AGK: variants seen among roughly 807,000 people sequenced by gnomAD.
AGK encodes acylglycerol kinase, also known as acylglycerol kinase, mitochondrial.
A neutral mutation model predicts 66.4 loss-of-function variants in AGK; 52 were observed. That is an observed-to-expected ratio of 0.78 (90% CI 0.63 to 0.99). AGK has a LOEUF of 0.99. AGK is among the 50% of genes least tolerant of loss of function. The pLI is 0.00. For missense variants in AGK, 451 were observed against 506.6 expected (o/e 0.89, Z 1.05); for synonymous variants, 182 against 181.1 (o/e 1.00, Z -0.04).
In AGK at chr7:141,645,168, C is replaced by T. The variant is rs535526230; in HGVS notation, c.975+3260C>T. ...AGAAATGACATTTCTACAATATTGA[C>T]TCCTCTAGCATATGAACGGGGTATA... On this transcript the variant is annotated intron_variant, in intron 13 of 15. Transcript: ENST00000649286. Among the ~76,000 whole-genome samples the T allele has an allele frequency of 5.9e-5, 9 of 152,214 alleles. No individual in the cohort carries two copies. The South Asian group carries it at 1.7e-3, about 28-fold the overall frequency.
chr7:141,640,965 TTCACCC>T (rs751441763), intron 11 of AGK, among the ~76,000 whole-genome samples: 15 of 152,202 alleles, frequency 9.9e-5, no homozygotes, highest in Non-Finnish European at 2.1e-4. Context: ...CCTATGTTCA[TTCACCC>T]TCTTTTTGGA....
intron 9 of AGK, among the ~76,000 whole-genome samples, chr7:141,626,833 A>G (rs1562977847): frequency 6.6e-6 from 1 of 152,244 alleles, no homozygotes; most frequent in African/African-American, 2.4e-5. Flanking sequence ...GTATTGGAAC[A>G]ATTAGAGAAA....
chr7:141,639,509 G>A (rs1229542187), intron 11 of AGK, among the ~76,000 whole-genome samples: 2 of 152,152 alleles, frequency 1.3e-5, no homozygotes, highest in Non-Finnish European at 1.5e-5. Context: ...GATTGTCCCT[G>A]GACAGGACAA....
chr7:141,651,503 T>G (rs763920011), intron 14 of AGK, 22 bp from the exon 15 acceptor site: 3 of 1,613,408 alleles, frequency 1.9e-6, no homozygotes, highest in Non-Finnish European at 2.5e-6. Context: ...GGTCTTAAGC[T>G]TGCTTTTTCC....
At chr7:141,636,461 C>T (rs144331749) in intron 10 of AGK, among the ~76,000 whole-genome samples, 8 of 152,128 alleles carry the variant, frequency 5.3e-5, no homozygotes, top group East Asian at 1.9e-4. Flanking sequence ...GGCTGCACAC[C>T]GAGTACTGTG....
chr7:141,569,753 G>T (rs988835296), intron 2 of AGK, among the ~76,000 whole-genome samples: 17 of 152,154 alleles, frequency 1.1e-4, no homozygotes, highest in African/African-American at 4.1e-4. Context: ...AGGTCACACA[G>T]CTGGTATCAG....
chr7:141,605,253 G>A (rs185768342), intron 5 of AGK, among the ~76,000 whole-genome samples: 519 of 152,264 alleles, frequency 3.4e-3, no homozygotes, highest in Non-Finnish European at 6.0e-3. Flanking sequence ...TTCAGAACAC[G>A]AAAGTTTCTT....
rs907743137 is a variant in AGK at position 141,555,820 on chromosome 7, A to G, written c.101+253A>G. Among the ~76,000 whole-genome samples the G allele has an allele frequency of 6.6e-6, 1 of 152,236 alleles. No individual in the cohort carries two copies. Among genetic ancestry groups the G allele is most frequent in the Non-Finnish European group, 1.5e-5 (1 of 68,038 alleles). ...AGCTATTTTTATTCATTATATTTAT[A>G]GTGGAAGAGATTAAGACATCTTAGA... On this transcript the variant is annotated intron_variant, in intron 2 of 15. Transcript: ENST00000649286. This position sits in a 1 kb window ranked among gnomAD's most constrained non-coding sequence, Gnocchi z 4.2.
In AGK at chr7:141,631,655, G is replaced by A. The variant is rs1026349647; in HGVS notation, c.589-2246G>A. Among the ~76,000 whole-genome samples, 2 of 152,008 alleles carry A rather than the reference G, an allele frequency of 1.3e-5. 1 individual carries two copies. Among genetic ancestry groups the A allele is most frequent in the East Asian group, 3.9e-4 (2 of 5,170 alleles). On this transcript the variant is annotated intron_variant, in intron 9 of 15. Transcript: ENST00000649286. ...TCATCTTTTATCTGGATCATTCCAG[G>A]AGTCCTCAAATTCTTATCATTCCCT...
At chr7:141,595,033 T>C (rs115990066) in intron 3 of AGK, among the ~76,000 whole-genome samples, 1 of 152,358 alleles carries the variant, frequency 6.6e-6, no homozygotes, top group Admixed American at 6.5e-5. Context: ...TCTGTCCTTA[T>C]AGCCTCAGCT....
rs183943552 is a variant in AGK, at chr7:141,628,673, C to T, written c.589-5228C>T. Among the ~76,000 whole-genome samples, 7 of 152,272 alleles carry T rather than the reference C, an allele frequency of 4.6e-5. No individual in the cohort carries two copies. The East Asian group carries it at 7.7e-4, about 17-fold the overall frequency. On this transcript the variant is annotated intron_variant, in intron 9 of 15. Transcript: ENST00000649286. ...TCAGTGAGGAAGTCGAGGTGAGATT[C>T]GTATCCTCATTTGACAGGTTAGGGA...
intron 13 of AGK, among the ~76,000 whole-genome samples, chr7:141,642,716 G>C (rs1480413217): frequency 1.3e-5 from 2 of 152,182 alleles, no homozygotes; most frequent in Admixed American, 1.3e-4. Flanking sequence ...TAATTTTTGT[G>C]AACAGAAAAA....
At chr7:141,649,006 C>CT in intron 13 of AGK, 1 of 341,360 alleles carries the variant, frequency 2.9e-6, no homozygotes, top group Non-Finnish European at 5.2e-6. Context: ...ACCTCCCACT[C>CT]TGAGTTTTGT....
chr7:141,598,252 C>T lies in AGK; in HGVS notation c.221+1611C>T, dbSNP rs535627378. Among the ~76,000 whole-genome samples, 20 of 152,186 alleles carry T rather than the reference C, an allele frequency of 1.3e-4. No individual in the cohort carries two copies. Among genetic ancestry groups the T allele is most frequent in the Admixed American group, 6.5e-5 (1 of 15,284 alleles). ...GCTTTGTTAGAGCCGCTTCCCTCCC[C>T]CATAAACGCACCAGTCATAATGCCT... On this transcript the variant is annotated intron_variant, in intron 4 of 15. Transcript: ENST00000649286. The surrounding 1 kb of genome is among the most constrained non-coding windows in gnomAD (Gnocchi z 4.2).
At chr7:141,616,431 A>G (rs1472775516) in intron 8 of AGK, 6 of 152,066 alleles carry the variant, frequency 3.9e-5, no homozygotes, top group African/African-American at 7.2e-5. Context: ...TAATAATAAT[A>G]CCCAAGTGAT....
At chr7:141,572,473 T>G (rs1214656518) in intron 2 of AGK, among the ~76,000 whole-genome samples, 1 of 152,218 alleles carries the variant, frequency 6.6e-6, no homozygotes, top group Non-Finnish European at 1.5e-5. Flanking sequence ...CTTAACCACC[T>G]GAACCTCTGA....
At chr7:141,563,395 T>C (rs940647484) in intron 2 of AGK, among the ~76,000 whole-genome samples, 2 of 152,380 alleles carry the variant, frequency 1.3e-5, no homozygotes, top group Admixed American at 6.5e-5. Flanking sequence ...AAGACTTTTA[T>C]CTGGCTATCC....
intron 13 of AGK, among the ~76,000 whole-genome samples, chr7:141,646,365 T>A (rs1366329363): frequency 6.6e-6 from 1 of 151,816 alleles, no homozygotes; most frequent in Non-Finnish European, 1.5e-5. Context: ...ATAGTTCGTG[T>A]TCAAACCAAT....
chr7:141,640,886 C>T (rs1483443478), intron 11 of AGK, among the ~76,000 whole-genome samples: 3 of 152,260 alleles, frequency 2.0e-5, no homozygotes, highest in African/African-American at 7.2e-5. Flanking sequence ...GTACTTGATG[C>T]AACTGGATTT....
Sources: allele counts gnomAD v4.1 joint callset (sites outside exome capture counted in the v4.1 genomes callset), GRCh38; gene constraint gnomAD v4.1.1; non-coding constraint Gnocchi (gnomAD v3.1); transcripts MANE v1.5; gene names NCBI Gene and HGNC (gene_info 2026-07-23, HGNC 2026-07-21).